Variants in ATL3 observed in about 807,000 individuals in gnomAD.
The protein encoded by ATL3 is atlastin GTPase 3, also known as atlastin-3.
A neutral mutation model predicts 69.5 loss-of-function variants in ATL3; 49 were observed. The ratio of observed to expected loss-of-function variants is 0.71; its 90% confidence interval spans 0.56 to 0.89. ATL3 has a LOEUF of 0.89. Among genes scored for constraint, ATL3 ranks in the 40% least tolerant of loss-of-function variants. The pLI is 0.00. For missense variants in ATL3, 606 were observed against 645.7 expected (o/e 0.94, Z 0.67); for synonymous variants, 214 against 224.1 (o/e 0.95, Z 0.40).
At chr11:63,631,012 C>A in intron 12 of ATL3, 28 bp downstream of exon 12, 2 of 1,572,362 alleles carry the variant, frequency 1.3e-6, no homozygotes. Context: ...CATTATCAAC[C>A]CTCAGGCTCT....
rs1939225713 is a variant in ATL3, at chr11:63,629,297, G to C, written c.*22C>G. 6.2e-7 allele frequency: 1 copy of C among 1,600,618 alleles called. No individual in the cohort carries two copies. Among genetic ancestry groups the C allele is most frequent in the African/African-American group, 1.3e-5 (1 of 74,776 alleles). On this transcript the variant is annotated 3_prime_UTR_variant, in exon 13 of 13. Coordinates refer to ENST00000398868, the MANE Select transcript of ATL3 (RefSeq NM_015459.5). Reference sequence around the variant, plus strand: ...ATCAGTAGGGGCTTGTTGTGTTCTTGTTTGATCTTCACGTTAAGATGCTAT... The same window carrying C: ...ATCAGTAGGGGCTTGTTGTGTTCTTCTTTGATCTTCACGTTAAGATGCTAT...
rs368444275 is a variant in ATL3, at chr11:63,629,289, G to C, written c.*30C>G. On this transcript the variant is annotated 3_prime_UTR_variant, in exon 13 of 13. Coordinates refer to ENST00000398868, the MANE Select transcript of ATL3 (RefSeq NM_015459.5). The stretch of plus-strand genomic sequence containing the variant: ...ACCCAGAAATCAGTAGGGGCTTGTT[G>C]TGTTCTTGTTTGATCTTCACGTTAA... 3.4e-5 allele frequency: 54 copies of C among 1,577,938 alleles called. No individual in the cohort carries two copies. The highest frequency in any genetic ancestry group is 4.7e-5 in the Non-Finnish European group (54 of 1,147,272).
At chr11:63,648,380 T>C (rs1939957081) in intron 5 of ATL3, among the ~76,000 whole-genome samples, 1 of 152,150 alleles carries the variant, frequency 6.6e-6, no homozygotes, top group Non-Finnish European at 1.5e-5. Context: ...GGCAACAAAA[T>C]AGCTAGATAA....
chr11:63,650,999 T>A (rs182861236), intron 5 of ATL3, among the ~76,000 whole-genome samples: 26 of 152,300 alleles, frequency 1.7e-4, no homozygotes, highest in Non-Finnish European at 3.5e-4. Flanking sequence ...TTCAAGGTAA[T>A]CCCTATAATA....
intron 5 of ATL3, among the ~76,000 whole-genome samples, chr11:63,649,298 T>G (rs1939992922): frequency 6.6e-6 from 1 of 152,066 alleles, no homozygotes; most frequent in Non-Finnish European, 1.5e-5. Flanking sequence ...TGCATGAACA[T>G]CAACACCCAG....
chr11:63,653,916 A>G (rs1482512933), intron 3 of ATL3, among the ~76,000 whole-genome samples: 6 of 152,230 alleles, frequency 3.9e-5, no homozygotes, highest in African/African-American at 1.2e-4. Context: ...AATAGTGGGC[A>G]TGTGTCACTA....
At chr11:63,653,312 C>CA (rs915101833) in intron 3 of ATL3, among the ~76,000 whole-genome samples, 42 of 151,656 alleles carry the variant, frequency 2.8e-4, no homozygotes, top group African/African-American at 9.2e-4. Context: ...ACTAAAAATA[C>CA]AAAAAAAATG....
rs1385156067 is a variant in ATL3 at position 63,627,243 on chromosome 11, A to G, written c.*2076T>C. 1 of 152,198 alleles carries G rather than the reference A, an allele frequency of 6.6e-6. No individual in the cohort carries two copies. Among genetic ancestry groups the G allele is most frequent in the African/African-American group, 2.4e-5 (1 of 41,454 alleles). 9.4% of individuals were successfully genotyped at this position (152,198 alleles called of 1,614,324 possible). On this transcript the variant is annotated 3_prime_UTR_variant, in exon 13 of 13. Transcript: ENST00000398868. Reference sequence around the variant, plus strand: ...CTAATAGGTATGAACTTTCAGAGAGATAAGAGGTCACCTGAAAATGCACCA... The same window carrying G: ...CTAATAGGTATGAACTTTCAGAGAGGTAAGAGGTCACCTGAAAATGCACCA...
chr11:63,630,486 G>A (rs572379702), intron 12 of ATL3, among the ~76,000 whole-genome samples: 2 of 149,524 alleles, frequency 1.3e-5, no homozygotes, highest in South Asian at 4.2e-4. Context: ...GTCTAAGTTG[G>A]AATGTTTTTG....
At chr11:63,645,013 G>C (rs537377788) in intron 6 of ATL3, among the ~76,000 whole-genome samples, 1 of 152,186 alleles carries the variant, frequency 6.6e-6, no homozygotes, top group African/African-American at 2.4e-5. Context: ...CCCAGGAGGA[G>C]GAGGTTGCAG....
Position 63,647,527 on chromosome 11 carries a change from A to C in ATL3, c.562-964T>G, listed in dbSNP as rs114949586. 2.2e-3 allele frequency among the ~76,000 whole-genome samples: 329 copies of C among 152,280 alleles called. 1 individual carries two copies. The highest frequency in any genetic ancestry group is 7.7e-3 in the African/African-American group (321 of 41,556). On this transcript the variant is annotated intron_variant, in intron 5 of 12. Transcript: ENST00000398868. ...TTTTTCTTAACATTTATCATTATCT[A>C]ATATACTATACCTCTTCTTGATTTG...
intron 8 of ATL3, among the ~76,000 whole-genome samples, chr11:63,636,550 C>G (rs1939524123): frequency 6.6e-6 from 1 of 152,044 alleles, no homozygotes; most frequent in Admixed American, 6.5e-5. Flanking sequence ...ACCAGCCTGA[C>G]CAACATGGTG....
chr11:63,646,865 T>C (rs770972084), intron 5 of ATL3, among the ~76,000 whole-genome samples: 61 of 152,184 alleles, frequency 4.0e-4, no homozygotes, highest in African/African-American at 1.4e-3. Context: ...AGCAGCCACA[T>C]TGACTCTTTT....
intron 11 of ATL3, chr11:63,632,646 T>A: frequency 2.0e-6 from 2 of 1,025,462 alleles, no homozygotes; most frequent in Non-Finnish European, 3.1e-6. Context: ...GGACGAATCT[T>A]CTTTTAAGAT....
chr11:63,636,808 G>A (rs1216887491), intron 8 of ATL3, among the ~76,000 whole-genome samples: 1 of 151,494 alleles, frequency 6.6e-6, no homozygotes, highest in Non-Finnish European at 1.5e-5. Context: ...TTCTGGCTAT[G>A]ACCAAGTTGC....
At chr11:63,638,935 T>G (rs913610637) in intron 8 of ATL3, among the ~76,000 whole-genome samples, 7 of 152,216 alleles carry the variant, frequency 4.6e-5, no homozygotes, top group African/African-American at 1.4e-4. Context: ...GTAGTTCTTA[T>G]GAAATTTAAA....
intron 8 of ATL3, chr11:63,637,550 T>C (rs1158947175): frequency 6.6e-6 from 1 of 152,186 alleles, no homozygotes; most frequent in African/African-American, 2.4e-5. Context: ...TGACAGATTC[T>C]CTGCAGCTTC....
chr11:63,646,364 C>T, intron 6 of ATL3, 143 bp downstream of exon 6: 1 of 519,384 alleles, frequency 1.9e-6, no homozygotes, highest in African/African-American at 2.0e-5. Context: ...TTTTTTCAAC[C>T]ATTTAAAAAT....
chr11:63,655,707 A>G (rs1017844635), intron 3 of ATL3, among the ~76,000 whole-genome samples: 1 of 151,080 alleles, frequency 6.6e-6, no homozygotes, highest in Non-Finnish European at 1.5e-5. Context: ...TCGGCCTCCC[A>G]AAGTGTGAGA....
Sources: allele counts gnomAD v4.1 joint callset (sites outside exome capture counted in the v4.1 genomes callset), GRCh38; gene constraint gnomAD v4.1.1; transcripts MANE v1.5; gene names NCBI Gene and HGNC (gene_info 2026-07-23, HGNC 2026-07-21).